The following NEDD9 variants were observed in gnomAD, a reference collection of about 807,000 sequenced individuals.
NEDD9 encodes enhancer of filamentation 1.
NEDD9 carries 26 observed loss-of-function variants against 76.6 expected under a neutral mutation model. The ratio of observed to expected loss-of-function variants is 0.34; its 90% confidence interval spans 0.25 to 0.47. The LOEUF (loss-of-function observed/expected upper bound fraction) is 0.47. Among genes scored for constraint, NEDD9 ranks in the 20% least tolerant of loss-of-function variants. The pLI, the probability that NEDD9 is intolerant of heterozygous loss-of-function variation, is 1.00. For missense variants in NEDD9, 937 were observed against 1,058.5 expected (o/e 0.89, Z 1.59); for synonymous variants, 392 against 414.2 (o/e 0.95, Z 0.65).
chr6:11,232,598 C>T lies in NEDD9; in HGVS notation c.-83G>A, dbSNP rs149869418. On this transcript the variant is annotated 5_prime_UTR_variant, in exon 1 of 7. Coordinates refer to ENST00000379446, the MANE Select transcript of NEDD9 (RefSeq NM_006403.4). ...GCGGTGCCCGCCCCTCCATTGAGTG[C>T]AGCGCTAGATGAAAGCGAGAAGGTC... 5.3e-4 allele frequency: 857 copies of T among 1,611,310 alleles called. 7 individuals are homozygous for T. In the African/African-American group the frequency reaches 8.8e-3, roughly 17 times the overall value.
chr6:11,356,780 G>A (rs564469897), intron 1 of NEDD9, among the ~76,000 whole-genome samples: 2 of 135,502 alleles, frequency 1.5e-5, no homozygotes, highest in African/African-American at 5.7e-5. Flanking sequence ...AATTATTGAT[G>A]AATAAATGTG....
At chr6:11,378,250 A>T (rs1345525354) in intron 1 of NEDD9, among the ~76,000 whole-genome samples, 1 of 152,130 alleles carries the variant, frequency 6.6e-6, no homozygotes, top group Admixed American at 6.5e-5. Context: ...CTCAAAAAAA[A>T]GATCTGATTG....
chr6:11,321,222 A>AG (rs1761793204), intron 2 of NEDD9, among the ~76,000 whole-genome samples: 3 of 112,058 alleles, frequency 2.7e-5, no homozygotes, highest in African/African-American at 1.0e-4. Flanking sequence ...GGAAGGAGGG[A>AG]GGAAGGAAGG....
chr6:11,323,018 G>A (rs755561624), intron 2 of NEDD9, among the ~76,000 whole-genome samples: 30 of 151,630 alleles, frequency 2.0e-4, no homozygotes, highest in Non-Finnish European at 3.5e-4. Context: ...TAGGAGATAC[G>A]CTGTTATGTT....
intron 2 of NEDD9, among the ~76,000 whole-genome samples, chr6:11,320,683 C>T (rs989043613): frequency 2.0e-4 from 31 of 152,114 alleles, no homozygotes; most frequent in African/African-American, 7.0e-4. Context: ...TGATGCTAAT[C>T]TATACAACTG....
chr6:11,382,268 G>A (rs185085652), exon 1 of NEDD9: 8 of 152,366 alleles, frequency 5.3e-5, no homozygotes, highest in East Asian at 3.9e-4. Context: ...TGCAGCGAGC[G>A]GACTTGCTTC....
At chr6:11,275,606 A>T (rs956166295) in intron 3 of NEDD9, among the ~76,000 whole-genome samples, 4 of 151,866 alleles carry the variant, frequency 2.6e-5, no homozygotes, top group Non-Finnish European at 5.9e-5. Context: ...GACCTCCTGC[A>T]TGTTCTCAGC....
rs1762863060 is a variant in NEDD9, at chr6:11,370,909, A to G, written c.-214+11230T>C. ...GGGTGACAGAGGTGACCCCGTGGCC[A>G]TTTTGCATGGCATGTGAGGGAGGGC... On this transcript the variant is annotated intron_variant, in intron 1 of 3. Coordinates refer to the NEDD9 transcript ENST00000397378. The surrounding 1 kb of genome is among the most constrained non-coding windows in gnomAD (Gnocchi z 4.2). Among the ~76,000 whole-genome samples the G allele has an allele frequency of 6.6e-6, 1 of 152,072 alleles. No homozygotes were observed. The highest frequency in any genetic ancestry group is 1.5e-5 in the Non-Finnish European group (1 of 68,000).
intron 1 of NEDD9, among the ~76,000 whole-genome samples, chr6:11,375,413 G>A (rs1342987217): frequency 6.6e-6 from 1 of 152,322 alleles, no homozygotes; most frequent in East Asian, 1.9e-4. Flanking sequence ...CAATCAAAAA[G>A]TAAAGTAAGG....
chr6:11,335,148 G>T (rs927061496), intron 1 of NEDD9, among the ~76,000 whole-genome samples: 1 of 152,148 alleles, frequency 6.6e-6, no homozygotes, highest in African/African-American at 2.4e-5. Context: ...ACCATTTGGT[G>T]GTGTTGTCTT....
intron 2 of NEDD9, chr6:11,328,377 G>T (rs925474512): frequency 6.6e-6 from 1 of 152,194 alleles, no homozygotes; most frequent in African/African-American, 2.4e-5. Context: ...CTGTAACAGG[G>T]TTAAAATAAT....
intron 5 of NEDD9, among the ~76,000 whole-genome samples, chr6:11,189,271 G>A (rs1758065759): frequency 6.6e-6 from 1 of 152,162 alleles, no homozygotes; most frequent in East Asian, 1.9e-4. Context: ...CCCTCAAAGT[G>A]GAAGGGAAAG....
chr6:11,300,409 G>A (rs777010679), intron 3 of NEDD9, among the ~76,000 whole-genome samples: 6 of 152,194 alleles, frequency 3.9e-5, no homozygotes, highest in Non-Finnish European at 7.3e-5. Context: ...AAAGTGACGG[G>A]AAGAATGGAA....
At chr6:11,324,954 C>T (rs560179892) in intron 2 of NEDD9, among the ~76,000 whole-genome samples, 1 of 152,334 alleles carries the variant, frequency 6.6e-6, no homozygotes, top group East Asian at 1.9e-4. Context: ...ACAACTTAAA[C>T]TGAAAATGAA....
chr6:11,260,426 T>G (rs1314767185), intron 3 of NEDD9, among the ~76,000 whole-genome samples: 1 of 152,198 alleles, frequency 6.6e-6, no homozygotes, highest in Non-Finnish European at 1.5e-5. Flanking sequence ...AATTAATCAT[T>G]CTGAGTCTCG....
intron 1 of NEDD9, among the ~76,000 whole-genome samples, chr6:11,347,263 T>TTATAAATC (rs1762380247): frequency 6.6e-6 from 1 of 152,092 alleles, no homozygotes; most frequent in Non-Finnish European, 1.5e-5. Context: ...ATTTCTTTAT[T>TTATAAATC]TATAAATCTG....
At chr6:11,295,926 C>G (rs1582004740) in intron 3 of NEDD9, among the ~76,000 whole-genome samples, 1 of 152,298 alleles carries the variant, frequency 6.6e-6, no homozygotes, top group South Asian at 2.1e-4. Flanking sequence ...GTGACCCCCA[C>G]CCCAAATTCA....
At chr6:11,302,140 G>A (rs1761063669) in intron 3 of NEDD9, among the ~76,000 whole-genome samples, 1 of 152,026 alleles carries the variant, frequency 6.6e-6, no homozygotes, top group African/African-American at 2.4e-5. Flanking sequence ...AAAAAGAAAA[G>A]AGAGAAGAAT....
chr6:11,306,355 ACACATAAAATATAGTCCTG>A (rs778805833), intron 2 of NEDD9, among the ~76,000 whole-genome samples: 3 of 152,308 alleles, frequency 2.0e-5, no homozygotes, highest in Non-Finnish European at 2.9e-5. Flanking sequence ...AACTTCAAAG[ACACATAAAATATAGTCCTG>A]TCCTCAAGGA....
Sources: gnomAD v4.1 joint callset for allele counts (sites outside exome capture counted in the v4.1 genomes callset) on GRCh38, gnomAD v4.1.1 for gene constraint, Gnocchi (gnomAD v3.1) non-coding constraint, MANE v1.5 for transcripts, NCBI Gene and HGNC (gene_info 2026-07-23, HGNC 2026-07-21) for gene names.